SH3RF3: variants seen among roughly 807,000 people sequenced by gnomAD.
The protein encoded by SH3RF3 is SH3 domain containing ring finger 3.
In SH3RF3, 29 loss-of-function variants were observed where a neutral mutation model predicts 66.3. The observed-to-expected ratio is 0.44, with a 90% confidence interval of 0.33 to 0.60. SH3RF3 has a LOEUF of 0.60. SH3RF3 is among the 20% of genes least tolerant of loss of function. The pLI is 0.04. For missense variants in SH3RF3, 1,194 were observed against 1,190.9 expected (o/e 1.00, Z -0.04); for synonymous variants, 583 against 532.0 (o/e 1.10, Z -1.32).
chr2:109,167,178 TC>T (rs1189314579), intron 1 of SH3RF3, among the ~76,000 whole-genome samples: 1 of 152,236 alleles, frequency 6.6e-6, no homozygotes, highest in Non-Finnish European at 1.5e-5. Context: ...TTCCATTTTT[TC>T]CAGAACCAGG....
At chr2:109,307,748 C>T (rs1411928758) in intron 1 of SH3RF3, among the ~76,000 whole-genome samples, 130 of 149,236 alleles carry the variant, frequency 8.7e-4, no homozygotes, top group Non-Finnish European at 1.2e-3. Context: ...ACAAAGGACA[C>T]GAACTCATCA....
At chr2:109,298,636 C>T (rs765457777) in intron 1 of SH3RF3, among the ~76,000 whole-genome samples, 5 of 152,094 alleles carry the variant, frequency 3.3e-5, no homozygotes, top group Admixed American at 1.3e-4. Context: ...AAATGCTCCT[C>T]GGAGCACACC....
intron 3 of SH3RF3, among the ~76,000 whole-genome samples, chr2:109,397,936 A>T (rs1676194630): frequency 6.6e-6 from 1 of 152,234 alleles, no homozygotes; most frequent in South Asian, 2.1e-4. Context: ...TGTGGGAAGG[A>T]GTCGTGTCCT....
intron 1 of SH3RF3, among the ~76,000 whole-genome samples, chr2:109,299,549 G>T (rs548715692): frequency 6.6e-6 from 1 of 152,102 alleles, no homozygotes; most frequent in Non-Finnish European, 1.5e-5. Context: ...TGCGCTCCCA[G>T]GGGAGTCACC....
chr2:109,231,494 A>G (rs902866152), intron 1 of SH3RF3, among the ~76,000 whole-genome samples: 1 of 152,182 alleles, frequency 6.6e-6, no homozygotes, highest in Non-Finnish European at 1.5e-5. Context: ...ATTTTTTTCC[A>G]GAAACATCTA....
In SH3RF3 at chr2:109,129,715, G is replaced by T. The variant is rs1436930972; in HGVS notation, c.175G>T (p.Val59Leu). ...GCTGCTGGACCTGCTGGAGTGCTCC[G>T]TGTGTCTGGAGCGCCTGGACACCAC... ...SSLLDLLECSVCLERLDTTAK... is the reference protein window; with the variant it reads ...SSLLDLLECSLCLERLDTTAK... The change falls in exon 1 of 10, where the codon GTG becomes TTG. Residue 59 changes from valine (V) to leucine (L), a missense_variant. Transcript: ENST00000309415. The T allele has an allele frequency of 2.0e-6, 3 of 1,537,184 alleles. No homozygotes were observed. The highest frequency in any genetic ancestry group is 4.9e-5 in the East Asian group (2 of 40,490).
At chr2:109,501,375 A>G (rs1346184390) in intron 9 of SH3RF3, 128 bp from the exon 10 acceptor site, 4 of 528,674 alleles carry the variant, frequency 7.6e-6, no homozygotes, top group East Asian at 5.8e-5. Flanking sequence ...ATAAAGATAA[A>G]TAGAAATTGT....
chr2:109,490,600 C>T lies in SH3RF3; in HGVS notation c.2149-5C>T. On this transcript the variant is annotated splice_region_variant and splice_polypyrimidine_tract_variant and intron_variant, in intron 8 of 9. Transcript: ENST00000309415. ...GTTTGGTTTCCATCTTGTGTGTCTC[C>T]CCAGAAAGAGAAGAAGAGTGGGCTC... is the stretch of plus-strand genomic sequence containing the variant. 4 of 1,430,764 alleles carry T rather than the reference C, an allele frequency of 2.8e-6. No individual in the cohort carries two copies. Among genetic ancestry groups the T allele is most frequent in the Non-Finnish European group, 3.7e-6 (4 of 1,090,230 alleles). The allele number at this position is 1,430,764 out of a possible 1,614,324, so 88.6% of individuals were successfully genotyped here.
At chr2:109,326,828 G>A (rs1459731052) in intron 1 of SH3RF3, among the ~76,000 whole-genome samples, 7 of 152,202 alleles carry the variant, frequency 4.6e-5, no homozygotes, top group Admixed American at 3.3e-4. Flanking sequence ...TGTCTCATGG[G>A]AGAGTATCCG....
chr2:109,250,887 A>T (rs1045545692), intron 1 of SH3RF3, among the ~76,000 whole-genome samples: 3 of 152,154 alleles, frequency 2.0e-5, no homozygotes, highest in Non-Finnish European at 2.9e-5. Flanking sequence ...ACCTGGAGTA[A>T]ATCCAAAAAA....
rs1042677706 is a variant in SH3RF3, at chr2:109,129,482, G to A, written c.-59G>A. ...TCCTGATGCTGGCTGCCGGTGGCGG[G>A]CTCCACGCCGGCCCCGGGACCTAGG... On this transcript the variant is annotated 5_prime_UTR_variant, in exon 1 of 10. Transcript: ENST00000309415. 6.7e-7 allele frequency: 1 copy of A among 1,494,258 alleles called. No individual in the cohort carries two copies. The highest frequency in any genetic ancestry group is 8.9e-7 in the Non-Finnish European group (1 of 1,127,910). 92.6% of individuals were successfully genotyped at this position (1,494,258 alleles called of 1,614,324 possible). A position where few individuals can be genotyped will look rare whatever the true frequency, so the allele number is the denominator to read the frequency against.
rs1407129447 is a variant in SH3RF3, at chr2:109,180,644, C to G, written c.573+50531C>G. Among the ~76,000 whole-genome samples, 4 of 152,238 alleles carry G rather than the reference C, an allele frequency of 2.6e-5. No individual in the cohort carries two copies. In the East Asian group the frequency reaches 5.8e-4, roughly 22 times the overall value. On this transcript the variant is annotated intron_variant, in intron 1 of 9. Coordinates refer to ENST00000309415, the MANE Select transcript of SH3RF3 (RefSeq NM_001099289.3). Reference sequence around the variant, plus strand: ...TCTGATGATTTTATAAGGAGAAACCCTTTTTGCTTGGCTCTCTTTGTCTGA... The same window carrying G: ...TCTGATGATTTTATAAGGAGAAACCGTTTTTGCTTGGCTCTCTTTGTCTGA...
At chr2:109,490,117 C>T (rs1285757367) in intron 8 of SH3RF3, among the ~76,000 whole-genome samples, 2 of 152,184 alleles carry the variant, frequency 1.3e-5, no homozygotes, top group East Asian at 3.8e-4. Flanking sequence ...CCTGATGGAA[C>T]CATTCTCCAT....
At chr2:109,355,654 A>G (rs1044276511) in intron 2 of SH3RF3, among the ~76,000 whole-genome samples, 1 of 152,152 alleles carries the variant, frequency 6.6e-6, no homozygotes, top group African/African-American at 2.4e-5. Flanking sequence ...CTCTTCGGCC[A>G]TTGGGAGCCT....
intron 1 of SH3RF3, among the ~76,000 whole-genome samples, chr2:109,248,025 T>C (rs559675798): frequency 5.3e-5 from 8 of 152,192 alleles, no homozygotes; most frequent in Non-Finnish European, 1.2e-4. Flanking sequence ...CTGCCAAATC[T>C]AGAGGCAACC....
intron 1 of SH3RF3, among the ~76,000 whole-genome samples, chr2:109,337,912 T>G (rs1410837989): frequency 6.6e-6 from 1 of 151,844 alleles, no homozygotes; most frequent in Admixed American, 6.6e-5. Flanking sequence ...ATTTTTTTTT[T>G]GTAGAGATGG....
intron 4 of SH3RF3, among the ~76,000 whole-genome samples, chr2:109,404,179 A>G (rs1456793515): frequency 1.3e-5 from 2 of 152,136 alleles, no homozygotes; most frequent in Admixed American, 1.3e-4. Flanking sequence ...GGGGAAGTAA[A>G]GGAAGGAGAA....
intron 1 of SH3RF3, among the ~76,000 whole-genome samples, chr2:109,210,821 T>A (rs1434734489): frequency 6.6e-6 from 1 of 152,232 alleles, no homozygotes; most frequent in African/African-American, 2.4e-5. Context: ...CACTACAAAA[T>A]GTAGCTTTTT....
chr2:109,443,898 G>A (rs114524352), intron 7 of SH3RF3, among the ~76,000 whole-genome samples: 4 of 152,300 alleles, frequency 2.6e-5, no homozygotes, highest in Non-Finnish European at 5.9e-5. Flanking sequence ...TGACTTAGTT[G>A]ACGTTTGTGA....
Sources: gnomAD v4.1 joint callset for allele counts (sites outside exome capture counted in the v4.1 genomes callset) on GRCh38, gnomAD v4.1.1 for gene constraint, MANE v1.5 for transcripts, NCBI Gene and HGNC (gene_info 2026-07-23, HGNC 2026-07-21) for gene names.